Variants in ALK observed in about 807,000 individuals in gnomAD.
The protein encoded by ALK is ALK tyrosine kinase receptor.
In ALK, 74 loss-of-function variants were observed where a neutral mutation model predicts 163.1. That is an observed-to-expected ratio of 0.45 (90% CI 0.38 to 0.55). ALK has a LOEUF of 0.55. ALK is among the 20% of genes least tolerant of loss of function. The pLI is 0.00. For synonymous variants in ALK, 960 were observed against 843.2 expected (o/e 1.14, Z -2.40); for missense variants, 2,063 against 2,105.3 (o/e 0.98, Z 0.39).
chr2:29,665,003 C>CTT (rs35885544), intron 3 of ALK, among the ~76,000 whole-genome samples: 1,359 of 133,768 alleles, frequency 0.01, 17 homozygotes, highest in South Asian at 0.04. Context: ...TTCTTTTTTT[C>CTT]TTTTTTTTTT....
At chr2:29,392,710 G>A (rs1224675565) in intron 4 of ALK, among the ~76,000 whole-genome samples, 1 of 152,196 alleles carries the variant, frequency 6.6e-6, no homozygotes, top group African/African-American at 2.4e-5. Flanking sequence ...ATGGGGAGGA[G>A]TAGGAGTAGA....
chr2:29,779,043 C>G (rs1681260021), intron 1 of ALK, among the ~76,000 whole-genome samples: 1 of 151,898 alleles, frequency 6.6e-6, no homozygotes, highest in African/African-American at 2.4e-5. Context: ...GTAGTCCCAG[C>G]TACTTGGGAG....
chr2:29,307,252 T>C (rs1276452593), intron 8 of ALK, among the ~76,000 whole-genome samples: 1 of 152,224 alleles, frequency 6.6e-6, no homozygotes, highest in Non-Finnish European at 1.5e-5. Flanking sequence ...ATATCTATTC[T>C]GCATGCAACA....
intron 4 of ALK, among the ~76,000 whole-genome samples, chr2:29,494,008 C>T (rs949912139): frequency 6.6e-6 from 1 of 152,204 alleles, no homozygotes; most frequent in Non-Finnish European, 1.5e-5. Context: ...ACTAACTTGT[C>T]GTGGGCCCTC....
At chr2:29,404,130 C>T (rs1669521980) in intron 4 of ALK, among the ~76,000 whole-genome samples, 1 of 151,608 alleles carries the variant, frequency 6.6e-6, no homozygotes, top group South Asian at 2.1e-4. Flanking sequence ...ATGGTGAAAC[C>T]CCATCTCTAC....
intron 3 of ALK, among the ~76,000 whole-genome samples, chr2:29,689,633 C>T (rs1484892027): frequency 2.0e-5 from 3 of 152,136 alleles, no homozygotes; most frequent in Non-Finnish European, 4.4e-5. Context: ...GGAGAAAAAC[C>T]AAGGCATAGT....
At chr2:29,529,146 G>T (rs939057652) in intron 4 of ALK, among the ~76,000 whole-genome samples, 2 of 152,120 alleles carry the variant, frequency 1.3e-5, no homozygotes, top group African/African-American at 4.8e-5. Context: ...ACCCGTGCAC[G>T]ACAGCCGGCA....
chr2:29,465,089 A>G (rs1671176971), intron 4 of ALK, among the ~76,000 whole-genome samples: 1 of 152,186 alleles, frequency 6.6e-6, no homozygotes, highest in Admixed American at 6.5e-5. Flanking sequence ...ACAAACCCCA[A>G]TCTGAAGAAA....
intron 3 of ALK, among the ~76,000 whole-genome samples, chr2:29,671,297 G>A (rs901092254): frequency 2.0e-5 from 3 of 152,076 alleles, no homozygotes; most frequent in Non-Finnish European, 4.4e-5. Context: ...ACCCAGTAGT[G>A]TGGGAAGGCT....
chr2:29,916,542 C>A (rs933852085), intron 1 of ALK, among the ~76,000 whole-genome samples: 6 of 152,236 alleles, frequency 3.9e-5, no homozygotes, highest in South Asian at 2.1e-4. Flanking sequence ...TCCTCCTTTG[C>A]TCTCTCTGCC....
chr2:29,528,356 A>G (rs902991223), intron 4 of ALK, among the ~76,000 whole-genome samples: 5 of 152,174 alleles, frequency 3.3e-5, no homozygotes, highest in Non-Finnish European at 7.3e-5. Flanking sequence ...CCAATTTTAC[A>G]CAGACAATTG....
intron 1 of ALK, among the ~76,000 whole-genome samples, chr2:29,753,505 C>T (rs1285532990): frequency 2.6e-5 from 4 of 152,242 alleles, no homozygotes; most frequent in South Asian, 4.2e-4. Context: ...CCATTCCTAT[C>T]GGCCAGAAAA....
intron 4 of ALK, among the ~76,000 whole-genome samples, chr2:29,507,819 C>T (rs933408447): frequency 6.6e-6 from 1 of 152,028 alleles, no homozygotes; most frequent in Non-Finnish European, 1.5e-5. Flanking sequence ...CAGAGAGGGG[C>T]CATGATGTCA....
intron 1 of ALK, among the ~76,000 whole-genome samples, chr2:29,820,698 C>T (rs913693135): frequency 6.6e-6 from 1 of 152,154 alleles, no homozygotes; most frequent in South Asian, 2.1e-4. Context: ...GACTCTGGAG[C>T]CTGGAAGTGC....
intron 11 of ALK, among the ~76,000 whole-genome samples, chr2:29,252,235 GGGAGTT>G (rs1412732875): frequency 7.1e-6 from 1 of 140,048 alleles, no homozygotes; most frequent in African/African-American, 2.7e-5. Flanking sequence ...CCAAACCTTG[GGGAGTT>G]GTCAGATCTC....
chr2:29,353,789 G>A (rs896890986), intron 5 of ALK, among the ~76,000 whole-genome samples: 18 of 152,006 alleles, frequency 1.2e-4, no homozygotes, highest in Non-Finnish European at 2.9e-5. Flanking sequence ...TGGTGACATT[G>A]TACTGTTCTG....
intron 11 of ALK, among the ~76,000 whole-genome samples, chr2:29,270,665 A>G (rs1665360279): frequency 1.3e-5 from 2 of 152,154 alleles, no homozygotes; most frequent in African/African-American, 2.4e-5. Flanking sequence ...GATGCTGATG[A>G]TTTGAGGACA....
chr2:29,876,294 G>GTGGTGATGATAATGA (rs565417491), intron 1 of ALK, among the ~76,000 whole-genome samples: 6,369 of 152,250 alleles, frequency 0.042, 392 homozygotes, highest in African/African-American at 0.14. Flanking sequence ...AATGATGACA[G>GTGGTGATGATAATGA]TGGTGATGAC....
chr2:29,772,671 G>A (rs1489267209), intron 1 of ALK, among the ~76,000 whole-genome samples: 1 of 152,206 alleles, frequency 6.6e-6, no homozygotes, highest in Non-Finnish European at 1.5e-5. Flanking sequence ...AGGGCGTCTC[G>A]CTGCTGAGAG....
Sources: allele counts gnomAD v4.1 joint callset (sites outside exome capture counted in the v4.1 genomes callset), GRCh38; gene constraint gnomAD v4.1.1; transcripts MANE v1.5; gene names NCBI Gene and HGNC (gene_info 2026-07-23, HGNC 2026-07-21).